The following TRAF5 variants were observed in gnomAD, a reference collection of about 807,000 sequenced individuals.
TRAF5 encodes TNF receptor-associated factor 5.
TRAF5 carries 48 observed loss-of-function variants against 64.5 expected under a neutral mutation model. The observed-to-expected ratio is 0.74, with a 90% confidence interval of 0.59 to 0.95. TRAF5 has a LOEUF of 0.95. TRAF5 is among the 40% of genes least tolerant of loss of function. TRAF5 has a pLI of 0.00. For missense variants in TRAF5, 545 were observed against 662.8 expected, an observed-to-expected ratio of 0.82 and a Z score of 1.95; for synonymous variants, 206 against 240.5, an observed-to-expected ratio of 0.86 and a Z score of 1.33.
chr1:211,360,254 G>A (rs977018457), intron 5 of TRAF5, 178 bp downstream of exon 5: 7 of 629,880 alleles, frequency 1.1e-5, no homozygotes, highest in Middle Eastern at 4.4e-4. Context: ...CTTCTTGTTG[G>A]TAGCACTCCA....
chr1:211,366,957 G>T (rs889144480), intron 8 of TRAF5, among the ~76,000 whole-genome samples: 1 of 108,554 alleles, frequency 9.2e-6, no homozygotes, highest in African/African-American at 2.8e-5. Context: ...GAAAACACTT[G>T]GTCAGCTAAT....
At chr1:211,332,803 C>G (rs910074204) in intron 1 of TRAF5, among the ~76,000 whole-genome samples, 8 of 152,172 alleles carry the variant, frequency 5.3e-5, no homozygotes, top group African/African-American at 1.2e-4. Flanking sequence ...TTTAGTCACC[C>G]TTAATGAATG....
At chr1:211,363,950 C>T (rs1406997932) in intron 7 of TRAF5, among the ~76,000 whole-genome samples, 1 of 149,302 alleles carries the variant, frequency 6.7e-6, no homozygotes, top group East Asian at 2.0e-4. Flanking sequence ...TGCTTTCTAG[C>T]TCTAAAAATG....
chr1:211,366,409 A>G (rs1235936431), intron 8 of TRAF5, among the ~76,000 whole-genome samples: 1 of 152,196 alleles, frequency 6.6e-6, no homozygotes, highest in African/African-American at 2.4e-5. Flanking sequence ...ACTGTATGTC[A>G]GGTACAATGT....
chr1:211,328,203 A>C (rs1702069654), intron 1 of TRAF5, among the ~76,000 whole-genome samples: 1 of 152,242 alleles, frequency 6.6e-6, no homozygotes, highest in South Asian at 2.1e-4. Context: ...GTTTGGGTGG[A>C]AACACTTCCA....
chr1:211,332,573 T>G (rs1702184330), intron 1 of TRAF5, among the ~76,000 whole-genome samples: 6 of 152,192 alleles, frequency 3.9e-5, no homozygotes. Context: ...ATATCTATGA[T>G]GCAACCTAGG....
chr1:211,342,088 T>C (rs115841827), intron 1 of TRAF5, among the ~76,000 whole-genome samples: 1,685 of 152,320 alleles, frequency 0.011, 33 homozygotes, highest in African/African-American at 0.038. Flanking sequence ...ATTTGAGGCC[T>C]TGTGGGCCAT....
At chr1:211,349,714 G>C (rs1702724473) in intron 1 of TRAF5, among the ~76,000 whole-genome samples, 1 of 152,214 alleles carries the variant, frequency 6.6e-6, no homozygotes, top group African/African-American at 2.4e-5. Context: ...AGATTCTTGT[G>C]TTAGGGAGAG....
At chr1:211,359,824 T>G in intron 4 of TRAF5, 88 bp from the exon 5 acceptor site, 8 of 1,523,302 alleles carry the variant, frequency 5.3e-6, no homozygotes, top group Non-Finnish European at 7.2e-6. Context: ...GCCCACCCTG[T>G]TCTCTCTCCC....
At chr1:211,355,041 T>C (rs1702916270) in intron 3 of TRAF5, among the ~76,000 whole-genome samples, 1 of 151,950 alleles carries the variant, frequency 6.6e-6, no homozygotes, top group Non-Finnish European at 1.5e-5. Context: ...GGTGTGGTGG[T>C]GCATGTCTGT....
chr1:211,337,869 G>C (rs1358419298), intron 1 of TRAF5, among the ~76,000 whole-genome samples: 2 of 152,160 alleles, frequency 1.3e-5, no homozygotes, highest in African/African-American at 2.4e-5. Context: ...GATTTGATGT[G>C]TTAAGTTTGT....
intron 1 of TRAF5, among the ~76,000 whole-genome samples, chr1:211,346,043 C>T (rs766522611): frequency 6.6e-6 from 1 of 152,232 alleles, no homozygotes; most frequent in Non-Finnish European, 1.5e-5. Flanking sequence ...TCCACTTCAG[C>T]TACAGTTAAT....
rs553824809 is a variant in TRAF5 at position 211,345,579 on chromosome 1, C to T, written c.-1-7660C>T. Among the ~76,000 whole-genome samples, 12 of 152,342 alleles carry T rather than the reference C, an allele frequency of 7.9e-5. No homozygotes were observed. The South Asian group carries it at 2.1e-3, about 26-fold the overall frequency. On this transcript the variant is annotated intron_variant, in intron 1 of 10. Coordinates refer to ENST00000261464, the MANE Select transcript of TRAF5 (RefSeq NM_001033910.3). ...TTTTCTTTATCACCAGCCACAGTCT[C>T]TCCTCTTTAAGCCCAGGACCCATTG...
chr1:211,361,208 T>C (rs769735226), intron 7 of TRAF5, 46 bp downstream of exon 7: 12 of 1,544,066 alleles, frequency 7.8e-6, no homozygotes, highest in Non-Finnish European at 9.8e-6. Context: ...TACTGTATAA[T>C]TCACTTGGCA....
upstream of TRAF5, chr1:211,326,699 A>T (rs1214256881): frequency 1.0e-6 from 1 of 986,032 alleles, no homozygotes; most frequent in Non-Finnish European, 1.2e-6. This position sits in a 1 kb window ranked among gnomAD's most constrained non-coding sequence, Gnocchi z 5.0. Flanking sequence ...AACCGCCTGG[A>T]TGACGGTCTC....
intron 1 of TRAF5, among the ~76,000 whole-genome samples, chr1:211,342,972 A>G (rs765991427): frequency 3.9e-5 from 6 of 152,140 alleles, no homozygotes; most frequent in Non-Finnish European, 7.4e-5. Context: ...TGTGTCTTCA[A>G]TATTCTGATT....
Position 211,360,650 on chromosome 1 carries a change from T to C in TRAF5, c.544-52T>C, listed in dbSNP as rs943269175. 5 of 1,427,536 alleles carry C rather than the reference T, an allele frequency of 3.5e-6. No homozygotes were observed. In the African/African-American group the frequency reaches 5.6e-5, roughly 16 times the overall value. 88.4% of individuals were successfully genotyped at this position (1,427,536 alleles called of 1,614,324 possible). A position where few individuals can be genotyped will look rare whatever the true frequency, so the allele number is the denominator to read the frequency against. On this transcript the variant is annotated intron_variant, in intron 5 of 10. Coordinates refer to ENST00000261464, the MANE Select transcript of TRAF5 (RefSeq NM_001033910.3). ...CCCAAAGAGACACAGGTGTAATCAC[T>C]GTGAGGCCATGAAAGACAACCCTTT...
intron 9 of TRAF5, among the ~76,000 whole-genome samples, chr1:211,370,917 C>T (rs922770469): frequency 2.6e-5 from 4 of 152,126 alleles, no homozygotes; most frequent in Non-Finnish European, 5.9e-5. Context: ...TCATTCTCCA[C>T]CTTCTAGCAG....
rs541938715 is a variant in TRAF5, at chr1:211,344,642, C to T, written c.-1-8597C>T. Among the ~76,000 whole-genome samples, 12 of 152,356 alleles carry T rather than the reference C, an allele frequency of 7.9e-5. No homozygotes were observed. In the South Asian group the frequency reaches 2.5e-3, roughly 32 times the overall value. On this transcript the variant is annotated intron_variant, in intron 1 of 10. Coordinates refer to ENST00000261464, the MANE Select transcript of TRAF5 (RefSeq NM_001033910.3). ...TTCTTCAGTTTTTGAGGGAAGGCCT[C>T]TTTAGGCCATCACAGACAGAAGCTT...
Sources: allele counts gnomAD v4.1 joint callset (sites outside exome capture counted in the v4.1 genomes callset), GRCh38; gene constraint gnomAD v4.1.1; non-coding constraint Gnocchi (gnomAD v3.1); transcripts MANE v1.5; gene names NCBI Gene and HGNC (gene_info 2026-07-23, HGNC 2026-07-21).